The following ZMYM5 variants were observed in gnomAD, a reference collection of about 807,000 sequenced individuals.
The protein encoded by ZMYM5 is zinc finger MYM-type containing 5.
Under a neutral mutation model 61.8 loss-of-function variants are expected in ZMYM5, and 41 were observed. The observed-to-expected ratio is 0.66, with a 90% CI of 0.52 to 0.86. The LOEUF (loss-of-function observed/expected upper bound fraction) is 0.86, where lower values mean the gene tolerates loss of function less well. ZMYM5 is among the 40% of genes least tolerant of loss of function. The pLI, the probability that ZMYM5 is intolerant of heterozygous loss-of-function variation, is 0.00. For missense variants in ZMYM5, 706 were observed against 786.7 expected (o/e 0.90, Z 1.23); for synonymous variants, 257 against 276.4 (o/e 0.93, Z 0.70).
intron 6 of ZMYM5, 167 bp downstream of exon 6, chr13:19,837,489 T>C: frequency 1.3e-6 from 2 of 1,582,332 alleles, no homozygotes; most frequent in South Asian, 1.2e-5. Flanking sequence ...ATTTTATTTA[T>C]AAAATATCCC....
At chr13:19,832,925 G>A (rs940956143) in intron 7 of ZMYM5, among the ~76,000 whole-genome samples, 1 of 128,268 alleles carries the variant, frequency 7.8e-6, no homozygotes, top group Non-Finnish European at 1.7e-5. Context: ...GTAGAGATGG[G>A]GTCTTACTAT....
chr13:19,838,981 A>G lies in ZMYM5; in HGVS notation c.591T>C (p.Ser197=), dbSNP rs1298086310. 6.2e-7 allele frequency: 1 copy of G among 1,600,014 alleles called. No individual in the cohort carries two copies. Residue 197 remains serine, a synonymous_variant, in exon 5 of 8, where the codon TCT becomes TCC. Transcript: ENST00000337963. ...GAAATGAAGCTGACTGGGAGATCCA[A>G]GAATCTTAAAAATGAAACAAGAAAA... is the stretch of plus-strand genomic sequence containing the variant. The part of the protein sequence containing the change: ...GEFATHHSPD[S]WISQSASFPS...
At chr13:19,857,105 CAAAACG>C (rs1208333210) in intron 2 of ZMYM5, among the ~76,000 whole-genome samples, 2 of 152,300 alleles carry the variant, frequency 1.3e-5, no homozygotes, top group Middle Eastern at 3.4e-3. Context: ...GACTCCGTCT[CAAAACG>C]AAAACAAAAA....
intron 2 of ZMYM5, among the ~76,000 whole-genome samples, chr13:19,860,770 T>C (rs1953717062): frequency 6.6e-6 from 1 of 150,904 alleles, no homozygotes; most frequent in Non-Finnish European, 1.5e-5. Flanking sequence ...CTGCTGGAAA[T>C]TAAAAGCTTA....
At chr13:19,827,500 T>C (rs1336849758) in intron 7 of ZMYM5, among the ~76,000 whole-genome samples, 1 of 152,202 alleles carries the variant, frequency 6.6e-6, no homozygotes, top group Non-Finnish European at 1.5e-5. Flanking sequence ...AAGCAGCTCC[T>C]TGCTCAAAAA....
At chr13:19,859,002 A>C (rs1368192710) in intron 2 of ZMYM5, among the ~76,000 whole-genome samples, 1 of 151,786 alleles carries the variant, frequency 6.6e-6, no homozygotes, top group African/African-American at 2.4e-5. Context: ...GGGTTCACCA[A>C]GCACTGGGGA....
intron 2 of ZMYM5, among the ~76,000 whole-genome samples, chr13:19,855,797 G>T (rs1418465932): frequency 1.3e-5 from 2 of 150,964 alleles, no homozygotes; most frequent in African/African-American, 2.4e-5. Context: ...GGATCATGAG[G>T]TCAGGAGATT....
In ZMYM5 at chr13:19,824,548, C is replaced by A. The variant is rs1436615946; in HGVS notation, c.1939G>T (p.Ala647Ser). The A allele has an allele frequency of 2.3e-6, 3 of 1,328,944 alleles. No homozygotes were observed. In the Admixed American group the frequency reaches 7.0e-5, roughly 31 times the overall value. 82.3% of individuals were successfully genotyped at this position (1,328,944 alleles called of 1,614,324 possible). A position where few individuals can be genotyped will look rare whatever the true frequency, so the allele number is the denominator to read the frequency against. ...KLKSDLKKNK[A>S]IDAAEHRLYE... ...AATCTGTGTTCTGCAGCATCAATAG[C>A]TTTATTTTTTTTCAGATCAGATTTT... Residue 647 changes from alanine (A) to serine (S), a missense_variant, in exon 8 of 8, where the codon GCT becomes TCT. Around this residue, in one of 2 missense-constraint regions of ZMYM5, gnomAD observed 226 missense variants for 325.0 expected, o/e 0.70. Transcript: ENST00000337963.
intron 4 of ZMYM5, among the ~76,000 whole-genome samples, chr13:19,844,107 C>T (rs1192441599): frequency 6.8e-6 from 1 of 147,712 alleles, no homozygotes; most frequent in African/African-American, 2.5e-5. Context: ...CACTGCACTC[C>T]AGCCTGGGTG....
intron 4 of ZMYM5, among the ~76,000 whole-genome samples, chr13:19,839,909 C>A (rs1315765120): frequency 6.6e-6 from 1 of 152,166 alleles, no homozygotes; most frequent in African/African-American, 2.4e-5. Flanking sequence ...ATAGCAACTG[C>A]AGTATCATAA....
Position 19,862,405 on chromosome 13 carries a change from G to C in ZMYM5, c.-17C>G, listed in dbSNP as rs1953802128. ...AAAAAAAAAAACAACTCACAATGGA[G>C]ATATTTCCTTCTTAATTTCTGCCAA... On this transcript the variant is annotated 5_prime_UTR_variant, in exon 2 of 8. It adds an upstream start codon to the 5' untranslated region. Coordinates refer to ENST00000337963, the MANE Select transcript of ZMYM5 (RefSeq NM_001142684.2). 1 of 151,798 alleles carries C rather than the reference G, an allele frequency of 6.6e-6. No homozygotes were observed. Among genetic ancestry groups the C allele is most frequent in the Non-Finnish European group, 1.5e-5 (1 of 67,994 alleles). The allele number at this position is 151,798 out of a possible 1,614,324, so 9.4% of individuals were successfully genotyped here.
At chr13:19,850,150 AC>A (rs1232411195) in intron 4 of ZMYM5, among the ~76,000 whole-genome samples, 1 of 152,196 alleles carries the variant, frequency 6.6e-6, no homozygotes, top group Admixed American at 6.6e-5. Context: ...CATAAAAGCA[AC>A]AAAAAGGCAT....
intron 7 of ZMYM5, among the ~76,000 whole-genome samples, chr13:19,831,780 T>C (rs1891228579): frequency 1.1e-5 from 1 of 88,250 alleles, no homozygotes; most frequent in African/African-American, 4.3e-5. Flanking sequence ...AGAGAGAGAC[T>C]CTGTCTCAAA....
rs1190448216 is a variant in ZMYM5 at position 19,831,787 on chromosome 13, CAAAAAAAAAA to C, written c.1251+3680_1251+3689del. Among the ~76,000 whole-genome samples the C allele has an allele frequency of 1.4e-4, 5 of 36,682 alleles. 1 individual carries two copies. The highest frequency in any genetic ancestry group is 5.5e-4 in the African/African-American group (4 of 7,230). The allele number at this position is 36,682 out of a possible 152,430, so 24.1% of individuals were successfully genotyped here. The stretch of plus-strand genomic sequence containing the variant: ...TGGGTGACAGAGAGAGACTCTGTCT[CAAAAAAAAAA>C]AAAAAAAAAAAAAAAAACCATATGT... On this transcript the variant is annotated intron_variant, in intron 7 of 7. Transcript: ENST00000337963.
chr13:19,832,286 C>T lies in ZMYM5; in HGVS notation c.1251+3191G>A, dbSNP rs185995799. ...TTCTCTGAAGCTTATGAGCTCACAA[C>T]CTTTAACTTAGCAAGAACTCAGACA... On this transcript the variant is annotated intron_variant, in intron 7 of 7. Transcript: ENST00000337963. Among the ~76,000 whole-genome samples the T allele has an allele frequency of 1.3e-3, 194 of 152,144 alleles. 1 individual carries two copies. Among genetic ancestry groups the T allele is most frequent in the African/African-American group, 4.4e-3 (182 of 41,484 alleles).
chr13:19,860,812 T>C (rs1953719155), intron 2 of ZMYM5, among the ~76,000 whole-genome samples: 1 of 149,622 alleles, frequency 6.7e-6, no homozygotes. Context: ...GCAATAAGAA[T>C]TGAAAGATAA....
At chr13:19,825,709 G>A (rs1890880544) in intron 7 of ZMYM5, among the ~76,000 whole-genome samples, 1 of 151,534 alleles carries the variant, frequency 6.6e-6, no homozygotes, top group African/African-American at 2.4e-5. Flanking sequence ...AAAAAAAAAG[G>A]TGACAACATA....
chr13:19,852,603 T>C (rs190094076), intron 2 of ZMYM5, among the ~76,000 whole-genome samples: 156 of 152,344 alleles, frequency 1.0e-3, no homozygotes, highest in Non-Finnish European at 9.4e-4. Flanking sequence ...TTGTTTTCTT[T>C]CCAAAATCAC....
At chr13:19,834,980 T>A (rs189555448) in intron 7 of ZMYM5, among the ~76,000 whole-genome samples, 1 of 143,668 alleles carries the variant, frequency 7.0e-6, no homozygotes, top group African/African-American at 2.5e-5. Flanking sequence ...CCACTGTGCC[T>A]GATCATTTTC....
Sources: gnomAD v4.1 joint callset for allele counts (sites outside exome capture counted in the v4.1 genomes callset) on GRCh38, gnomAD v4.1.1 for gene constraint, gnomAD v4.1.1 regional missense constraint, MANE v1.5 for transcripts, NCBI Gene and HGNC (gene_info 2026-07-23, HGNC 2026-07-21) for gene names.